SGCD: variants seen among roughly 807,000 people sequenced by gnomAD.
SGCD encodes the protein delta-sarcoglycan.
A neutral mutation model predicts 36.6 loss-of-function variants in SGCD; 18 were observed. That is an observed-to-expected ratio of 0.49 (90% CI 0.34 to 0.73). The LOEUF is 0.73. Among genes scored for constraint, SGCD ranks in the 30% least tolerant of loss-of-function variants. The pLI, the probability that SGCD is intolerant of heterozygous loss-of-function variation, is 0.01. For synonymous variants in SGCD, 133 were observed against 130.6 expected, an observed-to-expected ratio of 1.02 and a Z score of -0.12; for missense variants, 387 against 346.7, an observed-to-expected ratio of 1.12 and a Z score of -0.92.
At chr5:156,526,188 A>C (rs1015365664) in intron 4 of SGCD, among the ~76,000 whole-genome samples, 6 of 152,106 alleles carry the variant, frequency 3.9e-5, no homozygotes, top group Admixed American at 3.3e-4. Context: ...GCACTAAAGA[A>C]CTTAAGCTGG....
At chr5:156,195,307 G>A (rs369323353) in intron 3 of SGCD, among the ~76,000 whole-genome samples, 1 of 152,164 alleles carries the variant, frequency 6.6e-6, no homozygotes, top group Non-Finnish European at 1.5e-5. Context: ...CTGGGTAAAC[G>A]TGGGTTTGCA....
At chr5:156,473,139 T>C (rs1755041265) in intron 3 of SGCD, among the ~76,000 whole-genome samples, 1 of 152,192 alleles carries the variant, frequency 6.6e-6, no homozygotes, top group Non-Finnish European at 1.5e-5. Flanking sequence ...ATTTCAGCCG[T>C]TTGCCTCTTA....
chr5:156,353,318 A>T lies in SGCD; in HGVS notation c.192+8641A>T, dbSNP rs983820117. Among the ~76,000 whole-genome samples the T allele has an allele frequency of 1.3e-5, 2 of 152,228 alleles. 1 individual carries two copies. Among genetic ancestry groups the T allele is most frequent in the Non-Finnish European group, 2.9e-5 (2 of 68,034 alleles). Reference sequence around the variant, plus strand: ...AATAGAGCTTTATATGACTTCTAAAATGAAGTATTAGTTGATTTATTAAGG... The same window carrying T: ...AATAGAGCTTTATATGACTTCTAAATTGAAGTATTAGTTGATTTATTAAGG... On this transcript the variant is annotated intron_variant, in intron 3 of 8. Transcript: ENST00000337851.
At chr5:156,037,716 G>A (rs947958723) in intron 1 of SGCD, among the ~76,000 whole-genome samples, 2 of 152,152 alleles carry the variant, frequency 1.3e-5, no homozygotes, top group South Asian at 4.1e-4. Flanking sequence ...AAACAGTGAG[G>A]TCTGGAAAAT....
At position 156,054,143 on chromosome 5, in the gene SGCD, C is replaced by A. The variant is rs1380204982; in HGVS notation, c.-281-63735C>A. 2.7e-5 allele frequency among the ~76,000 whole-genome samples: 4 copies of A among 145,810 alleles called. No homozygotes were observed. The East Asian group carries it at 7.7e-4, about 28-fold the overall frequency. ...AGAAATTGGGAATATAAGTCTAGAGCTTATTTAGTTCCGGAGGTTTTGAAA... is the reference window on the plus strand; with the variant it reads ...AGAAATTGGGAATATAAGTCTAGAGATTATTTAGTTCCGGAGGTTTTGAAA... On this transcript the variant is annotated intron_variant, in intron 1 of 9. Transcript: ENST00000517913.
intron 6 of SGCD, among the ~76,000 whole-genome samples, chr5:156,607,081 T>C (rs1236542290): frequency 6.6e-6 from 1 of 152,216 alleles, no homozygotes; most frequent in Non-Finnish European, 1.5e-5. Flanking sequence ...TCCAACACTA[T>C]GTTGAATAGG....
intron 6 of SGCD, among the ~76,000 whole-genome samples, chr5:156,632,886 C>G (rs115869451): frequency 6.6e-6 from 1 of 152,220 alleles, no homozygotes; most frequent in African/African-American, 2.4e-5. Flanking sequence ...GTGAAATGTT[C>G]ATTTTTTGCA....
chr5:156,503,831 C>T (rs1021496213), intron 3 of SGCD, among the ~76,000 whole-genome samples: 3 of 152,002 alleles, frequency 2.0e-5, no homozygotes, highest in Non-Finnish European at 2.9e-5. Flanking sequence ...TAAAATAAAT[C>T]ACCAAGGAAA....
At position 156,724,830 on chromosome 5, in the gene SGCD, G is replaced by A. The variant is rs192126692; in HGVS notation, c.576-32751G>A. Among the ~76,000 whole-genome samples, 328 of 152,302 alleles carry A rather than the reference G, an allele frequency of 2.2e-3. 2 individuals carry two copies. The highest frequency in any genetic ancestry group is 7.7e-3 in the African/African-American group (320 of 41,574). Reference sequence around the variant, plus strand: ...CAGAATCCCATAGCCATCAATCCATGCCAATCTGGAGAGACTTGAGAAATT... The same window carrying A: ...CAGAATCCCATAGCCATCAATCCATACCAATCTGGAGAGACTTGAGAAATT... On this transcript the variant is annotated intron_variant, in intron 7 of 8. Transcript: ENST00000337851.
chr5:156,338,377 G>A (rs547215474), intron 2 of SGCD, among the ~76,000 whole-genome samples: 10 of 152,252 alleles, frequency 6.6e-5, no homozygotes, highest in East Asian at 1.9e-4. Context: ...CTCACAAAGC[G>A]GACCAGCTGT....
At chr5:155,749,369 G>A in the SGCD span, among the ~76,000 whole-genome samples, 2 of 152,252 alleles carry the variant, frequency 1.3e-5, no homozygotes, top group African/African-American at 4.8e-5. Flanking sequence ...ATAACTCTTA[G>A]TTTTTTCTGA....
chr5:155,899,329 G>A (rs1756335086), intron 1 of SGCD, among the ~76,000 whole-genome samples: 1 of 152,172 alleles, frequency 6.6e-6, no homozygotes, highest in African/African-American at 2.4e-5. Context: ...GAGAATGCAT[G>A]TAAATAATAT....
At chr5:156,512,455 A>G (rs1414487518) in intron 4 of SGCD, among the ~76,000 whole-genome samples, 2 of 152,158 alleles carry the variant, frequency 1.3e-5, no homozygotes, top group Non-Finnish European at 2.9e-5. Context: ...GCCATGCCAT[A>G]CAGCCTGGGT....
At chr5:155,809,292 T>G in the SGCD span, among the ~76,000 whole-genome samples, 1 of 152,176 alleles carries the variant, frequency 6.6e-6, no homozygotes, top group African/African-American at 2.4e-5. Context: ...AATAACACCT[T>G]GAAGCATTTT....
chr5:156,336,128 T>C (rs1037626410), intron 2 of SGCD, among the ~76,000 whole-genome samples: 1 of 152,216 alleles, frequency 6.6e-6, no homozygotes, highest in Non-Finnish European at 1.5e-5. Flanking sequence ...TTTTCAAACA[T>C]TCTCCTCCGG....
chr5:156,490,093 A>G (rs2127848343), intron 3 of SGCD, among the ~76,000 whole-genome samples: 1 of 152,178 alleles, frequency 6.6e-6, no homozygotes, highest in African/African-American at 2.4e-5. Flanking sequence ...AAACTCTAAC[A>G]AATTGGAAAA....
chr5:156,189,550 G>A (rs1763840642), intron 3 of SGCD, among the ~76,000 whole-genome samples: 1 of 152,006 alleles, frequency 6.6e-6, no homozygotes, highest in East Asian at 1.9e-4. Context: ...GATAAAGGGA[G>A]AGAGCCTCTA....
At chr5:155,871,777 A>G (rs765481453) in intron 1 of SGCD, among the ~76,000 whole-genome samples, 2 of 152,204 alleles carry the variant, frequency 1.3e-5, no homozygotes, top group African/African-American at 2.4e-5. Flanking sequence ...ATGGCTGGTG[A>G]CAGGAGGTTT....
At chr5:156,611,890 T>A (rs2113464073) in intron 6 of SGCD, among the ~76,000 whole-genome samples, 1 of 152,338 alleles carries the variant, frequency 6.6e-6, no homozygotes, top group Admixed American at 6.5e-5. Context: ...ATATTTTTTG[T>A]TTCATTTATT....
Sources: allele counts gnomAD v4.1 joint callset (sites outside exome capture counted in the v4.1 genomes callset), GRCh38; gene constraint gnomAD v4.1.1; transcripts MANE v1.5; gene names NCBI Gene and HGNC (gene_info 2026-07-23, HGNC 2026-07-21).